The following NRXN3 variants were observed in gnomAD, a reference collection of about 807,000 sequenced individuals.
The protein encoded by NRXN3 is neurexin 3.
Under a neutral mutation model 137.6 loss-of-function variants are expected in NRXN3, and 32 were observed. The observed-to-expected ratio is 0.23, with a 90% CI of 0.18 to 0.31. The LOEUF (loss-of-function observed/expected upper bound fraction) is 0.31, where lower values mean the gene tolerates loss of function less well. NRXN3 is among the 10% of genes least tolerant of loss of function. The probability of loss-of-function intolerance (pLI) is 1.00; values close to 1 mark genes in which losing one functional copy is unlikely to be tolerated. For missense variants in NRXN3, 1,574 were observed against 2,062.5 expected (o/e 0.76, Z 4.59); for synonymous variants, 798 against 784.5 (o/e 1.02, Z -0.29).
At chr14:78,797,697 G>T (rs1258271921) in intron 8 of NRXN3, among the ~76,000 whole-genome samples, 2 of 152,086 alleles carry the variant, frequency 1.3e-5, no homozygotes, top group Non-Finnish European at 2.9e-5. Context: ...TCATACTACC[G>T]ATAAAGGCAT....
chr14:78,523,272 A>G (rs553974784), intron 4 of NRXN3, among the ~76,000 whole-genome samples: 2 of 152,296 alleles, frequency 1.3e-5, no homozygotes, highest in Non-Finnish European at 2.9e-5. Flanking sequence ...CTTGATTGAG[A>G]CATCTCCCTT....
intron 15 of NRXN3, among the ~76,000 whole-genome samples, chr14:79,114,729 T>C (rs2054099770): frequency 6.6e-6 from 1 of 152,142 alleles, no homozygotes; most frequent in Non-Finnish European, 1.5e-5. Context: ...GGACTTGCTA[T>C]GTTGCTCAGG....
intron 15 of NRXN3, chr14:79,281,961 T>A (rs531707739): frequency 2.0e-4 from 31 of 152,368 alleles, no homozygotes; most frequent in African/African-American, 7.0e-4. Context: ...TTTTTGACTC[T>A]GTCTTTAAAT....
At chr14:79,085,208 A>G (rs2047876031) in intron 15 of NRXN3, among the ~76,000 whole-genome samples, 1 of 152,196 alleles carries the variant, frequency 6.6e-6, no homozygotes, top group South Asian at 2.1e-4. Flanking sequence ...GAAGTTTTAA[A>G]GTATGTAAAT....
At chr14:79,065,870 G>C (rs1032597289) in intron 15 of NRXN3, among the ~76,000 whole-genome samples, 1 of 152,042 alleles carries the variant, frequency 6.6e-6, no homozygotes, top group African/African-American at 2.4e-5. Context: ...CTAGGTAAAC[G>C]TGTGCCATGG....
intron 15 of NRXN3, among the ~76,000 whole-genome samples, chr14:79,092,890 T>C (rs2152811258): frequency 6.6e-6 from 1 of 152,128 alleles, no homozygotes; most frequent in African/African-American, 2.4e-5. Context: ...CCCAACTGGG[T>C]CCCCACCCTG....
intron 4 of NRXN3, among the ~76,000 whole-genome samples, chr14:78,551,047 C>A (rs141147827): frequency 6.6e-6 from 1 of 152,140 alleles, no homozygotes; most frequent in Non-Finnish European, 1.5e-5. Flanking sequence ...ATAAGGGATA[C>A]AAGACCTTTC....
rs561459258 is a variant in NRXN3, at chr14:78,539,623, G to A, written c.758-105497G>A. Among the ~76,000 whole-genome samples, 9 of 152,094 alleles carry A rather than the reference G, an allele frequency of 5.9e-5. 1 individual carries two copies. The South Asian group carries it at 1.9e-3, about 32-fold the overall frequency. On this transcript the variant is annotated intron_variant, in intron 4 of 20. Transcript: ENST00000335750. ...TCTCTTTCTCTTTCAGTTCTTCCCT[G>A]ATCTTACTTATCTCTTGCCTTCTGC...
At chr14:78,767,947 G>A (rs2098714267) in intron 8 of NRXN3, among the ~76,000 whole-genome samples, 1 of 152,028 alleles carries the variant, frequency 6.6e-6, no homozygotes, top group African/African-American at 2.4e-5. Context: ...GACAATTCAT[G>A]TGGAATTAAT....
At chr14:78,269,013 C>T (rs568731587) in intron 2 of NRXN3, among the ~76,000 whole-genome samples, 2 of 152,236 alleles carry the variant, frequency 1.3e-5, no homozygotes, top group South Asian at 2.1e-4. Context: ...AGTGAATAAA[C>T]GAATGATATA....
intron 4 of NRXN3, 148 bp downstream of exon 4, chr14:78,298,008 AG>A: frequency 1.2e-6 from 1 of 827,890 alleles, no homozygotes; most frequent in East Asian, 2.8e-5. Context: ...ACCACCCTGC[AG>A]TGGGGGTGGG....
At chr14:79,331,611 A>C (rs531828388) in intron 15 of NRXN3, among the ~76,000 whole-genome samples, 4 of 152,186 alleles carry the variant, frequency 2.6e-5, no homozygotes, top group Non-Finnish European at 5.9e-5. Flanking sequence ...GAAAAATCCA[A>C]GGCAGCTTTT....
intron 4 of NRXN3, among the ~76,000 whole-genome samples, chr14:78,498,903 G>A (rs2153769934): frequency 6.6e-6 from 1 of 152,094 alleles, no homozygotes; most frequent in Non-Finnish European, 1.5e-5. Context: ...TGGGACTGCA[G>A]GCATGAACCA....
intron 15 of NRXN3, among the ~76,000 whole-genome samples, chr14:79,324,854 G>A (rs1403453491): frequency 6.6e-6 from 1 of 152,152 alleles, no homozygotes; most frequent in Admixed American, 6.5e-5. Flanking sequence ...ATATTCATAT[G>A]TGTGTGTATT....
intron 15 of NRXN3, among the ~76,000 whole-genome samples, chr14:79,134,725 AT>A (rs889579954): frequency 3.9e-5 from 6 of 152,186 alleles, no homozygotes; most frequent in Non-Finnish European, 8.8e-5. Context: ...GAGTAATCCC[AT>A]TATCTCTATT....
intron 16 of NRXN3, among the ~76,000 whole-genome samples, chr14:79,559,287 A>C (rs1368558697): frequency 6.6e-6 from 1 of 152,092 alleles, no homozygotes. Context: ...TTCCTCACCA[A>C]GCTTACTCAC....
intron 4 of NRXN3, among the ~76,000 whole-genome samples, chr14:78,501,705 G>A (rs2095878943): frequency 6.6e-6 from 1 of 152,050 alleles, no homozygotes; most frequent in African/African-American, 2.4e-5. Flanking sequence ...GACTCTTAAG[G>A]CACAATGAGT....
At chr14:79,223,684 G>A (rs2070263568) in intron 15 of NRXN3, among the ~76,000 whole-genome samples, 1 of 152,090 alleles carries the variant, frequency 6.6e-6, no homozygotes, top group South Asian at 2.1e-4. Context: ...CTGGCTCCCT[G>A]CTCCCTTCAA....
Position 79,617,917 on chromosome 14 carries a change from C to CAAA in NRXN3, c.3445-45848_3445-45846dup, listed in dbSNP as rs1162153685. 1.1e-3 allele frequency among the ~76,000 whole-genome samples: 98 copies of CAAA among 91,326 alleles called. 13 individuals carry two copies. Among genetic ancestry groups the CAAA allele is most frequent in the Middle Eastern group, 6.8e-3 (1 of 148 alleles). The allele number at this position is 91,326 out of a possible 152,430, so 59.9% of individuals were successfully genotyped here. On this transcript the variant is annotated intron_variant, in intron 16 of 20. Transcript: ENST00000335750. Reference sequence around the variant, plus strand: ...TTCAGAGATAGGAGCTGAATAGCAGCAAAAAAAAAAAAAAACATGCTTATG... The same window carrying CAAA: ...TTCAGAGATAGGAGCTGAATAGCAGCAAAAAAAAAAAAAAAAAACATGCTTATG...
Sources: gnomAD v4.1 joint callset for allele counts (sites outside exome capture counted in the v4.1 genomes callset) on GRCh38, gnomAD v4.1.1 for gene constraint, MANE v1.5 for transcripts, NCBI Gene and HGNC (gene_info 2026-07-23, HGNC 2026-07-21) for gene names.